The following DNAAF1 variants were observed in gnomAD, a reference collection of about 807,000 sequenced individuals.
DNAAF1 encodes dynein assembly factor 1, axonemal.
A neutral mutation model predicts 71.1 loss-of-function variants in DNAAF1; 65 were observed. That is an observed-to-expected ratio of 0.91 (90% CI 0.75 to 1.12). DNAAF1 has a LOEUF of 1.12. DNAAF1 is among the 50% of genes most tolerant of loss of function. The pLI, the probability that DNAAF1 is intolerant of heterozygous loss-of-function variation, is 0.00. For missense variants in DNAAF1, 1,178 were observed against 899.8 expected, an observed-to-expected ratio of 1.31 and a Z score of -3.96; for synonymous variants, 414 against 354.6, an observed-to-expected ratio of 1.17 and a Z score of -1.88.
At chr16:84,154,961 T>C (rs2087345730) in intron 4 of DNAAF1, among the ~76,000 whole-genome samples, 163 bp downstream of exon 4, 1 of 151,812 alleles carries the variant, frequency 6.6e-6, no homozygotes, top group African/African-American at 2.4e-5. Flanking sequence ...CAGGCTGGAG[T>C]GCAGTGGCGC....
At chr16:84,167,806 A>G (rs2088105229) in intron 7 of DNAAF1, among the ~76,000 whole-genome samples, 1 of 152,100 alleles carries the variant, frequency 6.6e-6, no homozygotes, top group African/African-American at 2.4e-5. Flanking sequence ...ACCTGAGGTA[A>G]GGAGTTGGAG....
rs1186759315 is a variant in DNAAF1 at position 84,174,730 on chromosome 16, T to C, written c.1698+8T>C. The C allele has an allele frequency of 6.2e-7, 1 of 1,614,212 alleles. No homozygotes were observed. Among genetic ancestry groups the C allele is most frequent in the East Asian group, 2.2e-5 (1 of 44,892 alleles). On this transcript the variant is annotated splice_region_variant and intron_variant, in intron 10 of 11. Coordinates refer to ENST00000378553, the MANE Select transcript of DNAAF1 (RefSeq NM_178452.6). The stretch of plus-strand genomic sequence containing the variant: ...AAATCTCTGGAAGACCAGGTTAAGG[T>C]CATTAGAAACCATTTTCCCACAGGC...
intron 6 of DNAAF1, among the ~76,000 whole-genome samples, chr16:84,160,987 C>T (rs1463735874): frequency 6.6e-6 from 1 of 151,114 alleles, no homozygotes; most frequent in Non-Finnish European, 1.5e-5. Context: ...GGAGGTTCAA[C>T]AGAAATTGAC....
At chr16:84,177,592 G>A in intron 11 of DNAAF1, 137 bp from the exon 12 acceptor site, 2 of 754,948 alleles carry the variant, frequency 2.6e-6, no homozygotes, top group Non-Finnish European at 4.7e-6. Context: ...GCCTCCCAAA[G>A]TGCTGGGATT....
rs2088237824 is a variant in DNAAF1 at position 84,169,991 on chromosome 16, A to T, written c.1163A>T (p.Glu388Val). ...FVKESFEAKD[E>V]LCPEKPSGEE... ...AAGGAAAGCTTTGAGGCCAAGGACGAGCTCTGCCCGGAAAAGCCAAGTGGA... is the reference window on the plus strand; with the variant it reads ...AAGGAAAGCTTTGAGGCCAAGGACGTGCTCTGCCCGGAAAAGCCAAGTGGA... The change falls in exon 8 of 12, where the codon GAG becomes GTG. Residue 388 changes from glutamate to valine, a missense_variant. Transcript: ENST00000378553. 3 of 1,613,882 alleles carry T rather than the reference A, an allele frequency of 1.9e-6. No homozygotes were observed. The highest frequency in any genetic ancestry group is 2.5e-6 in the Non-Finnish European group (3 of 1,180,048).
intron 3 of DNAAF1, among the ~76,000 whole-genome samples, chr16:84,153,456 GTCTA>G (rs1390510460): frequency 1.3e-5 from 2 of 152,104 alleles, no homozygotes; most frequent in South Asian, 2.1e-4. Context: ...ATTTTAAAAA[GTCTA>G]TCTATACAAT....
At chr16:84,167,782 G>A (rs2151258507) in intron 7 of DNAAF1, among the ~76,000 whole-genome samples, 1 of 152,316 alleles carries the variant, frequency 6.6e-6, no homozygotes, top group South Asian at 2.1e-4. Flanking sequence ...TTGGGAGGCT[G>A]AGGCGGGTGG....
At chr16:84,154,194 A>T (rs191011860) in intron 3 of DNAAF1, among the ~76,000 whole-genome samples, 1 of 152,300 alleles carries the variant, frequency 6.6e-6, no homozygotes, top group African/African-American at 2.4e-5. Flanking sequence ...GTAGACAACA[A>T]AAATGTATTT....
intron 7 of DNAAF1, 72 bp from the exon 8 acceptor site, chr16:84,169,787 C>A (rs975190888): frequency 8.4e-5 from 135 of 1,605,040 alleles, no homozygotes; most frequent in Non-Finnish European, 1.1e-4. Flanking sequence ...GCTGTGAGCC[C>A]TTGATGTACC....
At chr16:84,164,896 G>A (rs530074008) in intron 6 of DNAAF1, among the ~76,000 whole-genome samples, 8 of 152,298 alleles carry the variant, frequency 5.3e-5, no homozygotes, top group Middle Eastern at 3.4e-3. Flanking sequence ...ACAAGTGAGC[G>A]TTGCCGGGAC....
chr16:84,161,277 G>C (rs1426204227), intron 6 of DNAAF1, among the ~76,000 whole-genome samples: 1 of 152,164 alleles, frequency 6.6e-6, no homozygotes, highest in Non-Finnish European at 1.5e-5. Context: ...TGAAGATCCT[G>C]CTCCCGCCCC....
In DNAAF1 at chr16:84,145,487, T is replaced by C. The variant is rs779171824; in HGVS notation, c.47T>C (p.Leu16Pro). 2.5e-6 allele frequency: 4 copies of C among 1,573,662 alleles called. No individual in the cohort carries two copies. In the South Asian group the frequency reaches 4.7e-5, roughly 18 times the overall value. ...SEPATGGAAELDCAQEPGVEE... is the reference protein window; with the variant it reads ...SEPATGGAAEPDCAQEPGVEE... ...CCTGCGACAGGTGGTGCAGCAGAGCTGGATTGCGCGCAGGAGCCCGGCGTG... is the reference window on the plus strand; with the variant it reads ...CCTGCGACAGGTGGTGCAGCAGAGCCGGATTGCGCGCAGGAGCCCGGCGTG... Residue 16 changes from leucine to proline, a missense_variant, in exon 1 of 12, where the codon CTG (leucine) becomes CCG (proline). By Grantham distance (98) the Leu-to-Pro change is moderately conservative. Transcript: ENST00000378553.
intron 10 of DNAAF1, chr16:84,175,633 G>C (rs2088612181): frequency 4.7e-6 from 2 of 428,950 alleles, no homozygotes; most frequent in African/African-American, 2.0e-5. Context: ...CGGGGTTCAG[G>C]GGCATGCCAA....
At position 84,169,920 on chromosome 16, in the gene DNAAF1, G is replaced by A. The variant is rs1274427651; in HGVS notation, c.1092G>A (p.Glu364=). ...NVPASAEGKE[E]PPGDRETRQK... ...CCGCCAGTGCGGAAGGCAAGGAGGAGCCTCCCGGGGACAGAGAAACAAGGC... is the reference window on the plus strand; with the variant it reads ...CCGCCAGTGCGGAAGGCAAGGAGGAACCTCCCGGGGACAGAGAAACAAGGC... The change falls in exon 8 of 12, where the codon GAG becomes GAA. Residue 364 remains glutamate, a synonymous_variant. Coordinates refer to ENST00000378553, the MANE Select transcript of DNAAF1 (RefSeq NM_178452.6). 1.9e-6 allele frequency: 3 copies of A among 1,614,152 alleles called. No homozygotes were observed. The highest frequency in any genetic ancestry group is 1.7e-4 in the Middle Eastern group (1 of 5,980).
chr16:84,168,901 C>G (rs553687236), intron 7 of DNAAF1, among the ~76,000 whole-genome samples: 19 of 150,204 alleles, frequency 1.3e-4, no homozygotes, highest in Non-Finnish European at 2.5e-4. Flanking sequence ...GCAAACGTCA[C>G]AGCCCTTAAA....
intron 2 of DNAAF1, 101 bp from the exon 3 acceptor site, chr16:84,150,150 A>T (rs897910832): frequency 1.2e-6 from 1 of 828,404 alleles, no homozygotes; most frequent in Middle Eastern, 2.2e-4. Context: ...ATAGGATGTT[A>T]TAGAATTTTG....
chr16:84,158,007 A>T (rs2087522976), intron 5 of DNAAF1, among the ~76,000 whole-genome samples: 2 of 152,128 alleles, frequency 1.3e-5, no homozygotes, highest in African/African-American at 4.8e-5. Context: ...GGAGATCGAG[A>T]CCTTCCTGGC....
At chr16:84,146,756 A>AT (rs1272881693) in intron 1 of DNAAF1, among the ~76,000 whole-genome samples, 6 of 151,810 alleles carry the variant, frequency 4.0e-5, no homozygotes, top group African/African-American at 1.5e-4. Flanking sequence ...AAAAAAAAAA[A>AT]GGAAAGAAGG....
chr16:84,150,902 C>T (rs2087152784), intron 3 of DNAAF1, among the ~76,000 whole-genome samples: 1 of 152,208 alleles, frequency 6.6e-6, no homozygotes, highest in African/African-American at 2.4e-5. Flanking sequence ...GTGTGAGCCA[C>T]TGCACCCAGC....
Sources: allele counts gnomAD v4.1 joint callset (sites outside exome capture counted in the v4.1 genomes callset), GRCh38; gene constraint gnomAD v4.1.1; transcripts MANE v1.5; gene names NCBI Gene and HGNC (gene_info 2026-07-23, HGNC 2026-07-21).